CDH13: variants seen among roughly 807,000 people sequenced by gnomAD.
The protein encoded by CDH13 is cadherin-13.
Under a neutral mutation model 63.8 loss-of-function variants are expected in CDH13, and 24 were observed. The observed-to-expected ratio is 0.38, with a 90% CI of 0.27 to 0.53. The LOEUF (loss-of-function observed/expected upper bound fraction) is 0.53, where lower values mean the gene tolerates loss of function less well. CDH13 is among the 20% of genes least tolerant of loss of function. CDH13 has a pLI of 0.85. For synonymous variants in CDH13, 503 were observed against 355.3 expected (o/e 1.42, Z -4.67); for missense variants, 1,049 against 903.1 (o/e 1.16, Z -2.07).
chr16:83,658,661 C>G (rs1170586955), intron 8 of CDH13, among the ~76,000 whole-genome samples: 1 of 151,548 alleles, frequency 6.6e-6, no homozygotes, highest in Non-Finnish European at 1.5e-5. Flanking sequence ...GGTCCCATAT[C>G]CTCACCAGCA....
intron 2 of CDH13, among the ~76,000 whole-genome samples, chr16:82,919,105 A>G (rs2042080011): frequency 6.6e-6 from 1 of 152,214 alleles, no homozygotes; most frequent in South Asian, 2.1e-4. Context: ...AATTGATATG[A>G]CAAGAATATC....
intron 1 of CDH13, among the ~76,000 whole-genome samples, chr16:82,715,295 C>G (rs1488054923): frequency 1.3e-5 from 2 of 151,590 alleles, no homozygotes; most frequent in Non-Finnish European, 2.9e-5. Context: ...ATGGCTGCAA[C>G]CAAGTCACTT....
At chr16:82,795,290 A>G (rs1346111402) in intron 1 of CDH13, among the ~76,000 whole-genome samples, 1 of 152,208 alleles carries the variant, frequency 6.6e-6, no homozygotes, top group Admixed American at 6.5e-5. Context: ...GGTGCTGAGT[A>G]AACTCAGCCT....
intron 1 of CDH13, among the ~76,000 whole-genome samples, chr16:82,711,568 C>T (rs2031947878): frequency 6.6e-6 from 1 of 152,192 alleles, no homozygotes; most frequent in African/African-American, 2.4e-5. Flanking sequence ...TTAATTCCAA[C>T]ATAGACCTAC....
chr16:83,620,282 T>C (rs1909687275), intron 8 of CDH13, among the ~76,000 whole-genome samples: 1 of 151,276 alleles, frequency 6.6e-6, no homozygotes, highest in Non-Finnish European at 1.5e-5. Flanking sequence ...CCCCAGCTAC[T>C]TGGGAGGCTG....
chr16:83,350,056 A>G (rs2090919199), intron 6 of CDH13, among the ~76,000 whole-genome samples: 2 of 152,154 alleles, frequency 1.3e-5, no homozygotes, highest in Admixed American at 1.3e-4. Flanking sequence ...TGATAATGAG[A>G]CATAGGTTCA....
At chr16:82,957,559 C>T (rs958784774) in intron 2 of CDH13, among the ~76,000 whole-genome samples, 1 of 152,138 alleles carries the variant, frequency 6.6e-6, no homozygotes, top group South Asian at 2.1e-4. Context: ...CATGTACACG[C>T]CCCCCTGCTA....
intron 6 of CDH13, among the ~76,000 whole-genome samples, chr16:83,458,161 G>T (rs2073074633): frequency 6.6e-6 from 1 of 152,166 alleles, no homozygotes; most frequent in African/African-American, 2.4e-5. Flanking sequence ...CTGTCTTCCT[G>T]TGCCTGCTCC....
At chr16:83,408,657 T>A (rs893766437) in intron 6 of CDH13, among the ~76,000 whole-genome samples, 1 of 152,244 alleles carries the variant, frequency 6.6e-6, no homozygotes. Context: ...TATATTGTTA[T>A]CCAGCAATGA....
intron 3 of CDH13, among the ~76,000 whole-genome samples, chr16:83,073,354 T>TGAGAGAGAGA (rs58505161): frequency 0.034 from 4,754 of 139,648 alleles, 119 homozygotes; most frequent in Non-Finnish European, 0.044. Context: ...TGTGTGTGTG[T>TGAGAGAGAGA]GAGAGAGAGA....
intron 1 of CDH13, among the ~76,000 whole-genome samples, chr16:82,779,584 G>C (rs1005516060): frequency 6.6e-6 from 1 of 152,210 alleles, no homozygotes; most frequent in Non-Finnish European, 1.5e-5. Flanking sequence ...AGAGGGGCCA[G>C]GAGAGAATGC....
At chr16:83,767,413 G>A (rs1168972104) in intron 11 of CDH13, among the ~76,000 whole-genome samples, 2 of 152,170 alleles carry the variant, frequency 1.3e-5, no homozygotes, top group African/African-American at 4.8e-5. Context: ...GAGCTCCCTT[G>A]CTTGCTGCCA....
chr16:83,263,160 G>A (rs1000413105), intron 5 of CDH13, among the ~76,000 whole-genome samples: 2 of 152,274 alleles, frequency 1.3e-5, no homozygotes, highest in Admixed American at 6.5e-5. Flanking sequence ...CGAGCTCATC[G>A]CAAGACCTAG....
intron 7 of CDH13, among the ~76,000 whole-genome samples, chr16:83,509,071 G>T (rs2074493901): frequency 6.6e-6 from 1 of 152,186 alleles, no homozygotes; most frequent in Non-Finnish European, 1.5e-5. Flanking sequence ...TCTATTTGAA[G>T]CCAAGTTTCC....
chr16:83,312,462 A>G (rs1364811906), intron 5 of CDH13, among the ~76,000 whole-genome samples: 2 of 152,186 alleles, frequency 1.3e-5, no homozygotes, highest in Non-Finnish European at 2.9e-5. Flanking sequence ...AACCAATGGA[A>G]TAAGTCCTCT....
intron 6 of CDH13, among the ~76,000 whole-genome samples, chr16:83,366,921 C>A (rs1464195035): frequency 6.6e-6 from 1 of 152,114 alleles, no homozygotes; most frequent in Admixed American, 6.5e-5. Context: ...ACCCAAAGCC[C>A]TCTTTTTTTT....
intron 7 of CDH13, among the ~76,000 whole-genome samples, chr16:83,555,746 C>A (rs1180643550): frequency 6.6e-6 from 1 of 152,152 alleles, no homozygotes; most frequent in Non-Finnish European, 1.5e-5. Context: ...AGATTTTAAG[C>A]AGAATATAGC....
chr16:83,683,483 C>T (rs1915569192), intron 10 of CDH13, among the ~76,000 whole-genome samples: 1 of 152,116 alleles, frequency 6.6e-6, no homozygotes, highest in Admixed American at 6.5e-5. Context: ...GCATTATCCA[C>T]CCTCAAACCT....
intron 5 of CDH13, among the ~76,000 whole-genome samples, chr16:83,273,961 C>G (rs894749994): frequency 6.6e-6 from 1 of 152,132 alleles, no homozygotes; most frequent in African/African-American, 2.4e-5. Flanking sequence ...CTATCATAGG[C>G]GGCAGTGCAG....
Sources: gnomAD v4.1 joint callset for allele counts (sites outside exome capture counted in the v4.1 genomes callset) on GRCh38, gnomAD v4.1.1 for gene constraint, MANE v1.5 for transcripts, NCBI Gene and HGNC (gene_info 2026-07-23, HGNC 2026-07-21) for gene names.